ZUP1: variants seen among roughly 807,000 people sequenced by gnomAD.
ZUP1 encodes the protein zinc finger-containing ubiquitin peptidase 1.
In ZUP1, 55 loss-of-function variants were observed where a neutral mutation model predicts 68.1. That is an observed-to-expected ratio of 0.81 (90% confidence interval 0.65 to 1.01). The LOEUF (loss-of-function observed/expected upper bound fraction) is 1.01. ZUP1 is among the 50% of genes least tolerant of loss of function. The probability of loss-of-function intolerance (pLI) is 0.00; values close to 1 mark genes in which losing one functional copy is unlikely to be tolerated. For missense variants in ZUP1, 684 were observed against 674.9 expected (o/e 1.01, Z -0.15); for synonymous variants, 223 against 221.5 (o/e 1.01, Z -0.06).
rs1321958701 is a variant in ZUP1, at chr6:116,668,569, C to G, written c.-19G>C. ...GGAGGGGACCATCAATTCTTACCGG[C>G]CCAGAGGCCAGCAGCTGCCACACTG... On this transcript the variant is annotated 5_prime_UTR_variant, in exon 1 of 10. Transcript: ENST00000368576. The G allele has an allele frequency of 6.6e-6, 1 of 152,580 alleles. No individual in the cohort carries two copies. The highest frequency in any genetic ancestry group is 1.5e-5 in the Non-Finnish European group (1 of 68,360). The allele number at this position is 152,580 out of a possible 1,614,324, so 9.5% of individuals were successfully genotyped here. A position where few individuals can be genotyped will look rare whatever the true frequency, so the allele number is the denominator to read the frequency against.
intron 9 of ZUP1, among the ~76,000 whole-genome samples, chr6:116,640,468 C>G (rs1313285161): frequency 6.6e-6 from 1 of 151,996 alleles, no homozygotes; most frequent in South Asian, 2.1e-4. Flanking sequence ...AAGGGAAGCC[C>G]ATCAGACTAA....
chr6:116,655,667 T>C (rs893977538), intron 5 of ZUP1, among the ~76,000 whole-genome samples: 6 of 152,182 alleles, frequency 3.9e-5, no homozygotes, highest in African/African-American at 1.4e-4. Context: ...AAAGCCATAT[T>C]ATGGGGCAAG....
At chr6:116,648,075 C>A (rs982763318) in intron 7 of ZUP1, among the ~76,000 whole-genome samples, 1 of 152,088 alleles carries the variant, frequency 6.6e-6, no homozygotes, top group Non-Finnish European at 1.5e-5. Context: ...TAAAATAGAT[C>A]CTAAATACTT....
At chr6:116,662,487 T>A (rs1280570835) in intron 2 of ZUP1, among the ~76,000 whole-genome samples, 1 of 152,192 alleles carries the variant, frequency 6.6e-6, no homozygotes, top group Non-Finnish European at 1.5e-5. Flanking sequence ...GTTGTGTCAA[T>A]GAATCCAATC....
chr6:116,652,739 G>C (rs979324572), intron 5 of ZUP1, among the ~76,000 whole-genome samples: 1 of 151,936 alleles, frequency 6.6e-6, no homozygotes, highest in African/African-American at 2.4e-5. Context: ...TTGCTATTTG[G>C]GGAGATTAAT....
chr6:116,639,117 C>T (rs932176197), intron 9 of ZUP1, among the ~76,000 whole-genome samples: 27 of 152,318 alleles, frequency 1.8e-4, no homozygotes, highest in Non-Finnish European at 1.5e-4. Context: ...AACTGCAAGG[C>T]GGCAGCAAGG....
At position 116,660,865 on chromosome 6, in the gene ZUP1, T is replaced by G. The variant is rs1478327003; in HGVS notation, c.560-19A>C. On this transcript the variant is annotated intron_variant, in intron 2 of 9. Coordinates refer to ENST00000368576, the MANE Select transcript of ZUP1 (RefSeq NM_145062.3). Reference sequence around the variant, plus strand: ...TCACAGTCTGTATCAGAGATATAATTAAGTTGTTTTTATTTTTTTATTTTA... The same window carrying G: ...TCACAGTCTGTATCAGAGATATAATGAAGTTGTTTTTATTTTTTTATTTTA... 7.5e-7 allele frequency: 1 copy of G among 1,332,370 alleles called. No homozygotes were observed. The highest frequency in any genetic ancestry group is 1.0e-6 in the Non-Finnish European group (1 of 962,938). The allele number at this position is 1,332,370 out of a possible 1,614,324, so 82.5% of individuals were successfully genotyped here. A position where few individuals can be genotyped will look rare whatever the true frequency, so the allele number is the denominator to read the frequency against.
chr6:116,645,701 T>G lies in ZUP1; in HGVS notation c.1689+13A>C, dbSNP rs943658290. 2.0e-5 allele frequency: 31 copies of G among 1,563,958 alleles called. No individual in the cohort carries two copies. The highest frequency in any genetic ancestry group is 2.4e-5 in the Non-Finnish European group (28 of 1,148,660). On this transcript the variant is annotated intron_variant, in intron 9 of 9. Transcript: ENST00000368576. ...CTCATTCAAACTTCACATATAAATA[T>G]TTAGATACTTACAAGTTTCTCCTCT...
At chr6:116,652,589 T>C (rs1049086146) in intron 5 of ZUP1, among the ~76,000 whole-genome samples, 1 of 152,120 alleles carries the variant, frequency 6.6e-6, no homozygotes, top group African/African-American at 2.4e-5. Flanking sequence ...TAATTTAAGA[T>C]TTTATTTTGC....
chr6:116,660,643 A>G, intron 3 of ZUP1, 93 bp downstream of exon 3: 1 of 645,082 alleles, frequency 1.6e-6, no homozygotes. Flanking sequence ...GTATTTTAAA[A>G]TATTTTTTCC....
chr6:116,665,923 A>G (rs954255082), intron 2 of ZUP1, among the ~76,000 whole-genome samples: 1 of 152,026 alleles, frequency 6.6e-6, no homozygotes, highest in African/African-American at 2.4e-5. Context: ...AATAAGAAAA[A>G]GACATAAGAT....
In ZUP1 at chr6:116,640,057, C is replaced by A. The variant is rs564867481; in HGVS notation, c.1690-4178G>T. ...GTGAAGAATGCAGAAGCCTCAGGAG[C>A]CAATGTGATCAGCTGGAAGAAAGGG... On this transcript the variant is annotated intron_variant, in intron 9 of 9. Transcript: ENST00000368576. 3.3e-3 allele frequency among the ~76,000 whole-genome samples: 506 copies of A among 152,112 alleles called. 2 individuals are homozygous for A. Among genetic ancestry groups the A allele is most frequent in the African/African-American group, 0.012 (485 of 41,476 alleles).
intron 5 of ZUP1, among the ~76,000 whole-genome samples, chr6:116,655,128 G>A (rs1776624717): frequency 6.6e-6 from 1 of 151,476 alleles, no homozygotes; most frequent in Non-Finnish European, 1.5e-5. Flanking sequence ...AGTTCTGGAT[G>A]TAATACTAGA....
chr6:116,660,704 T>C, intron 3 of ZUP1, 32 bp downstream of exon 3: 1 of 1,242,574 alleles, frequency 8.0e-7, no homozygotes, highest in Non-Finnish European at 1.2e-6. Flanking sequence ...AGAAATTAAA[T>C]GATATTTTTA....
At chr6:116,644,917 G>C (rs555569357) in intron 9 of ZUP1, among the ~76,000 whole-genome samples, 25 of 151,946 alleles carry the variant, frequency 1.6e-4, no homozygotes, top group African/African-American at 5.8e-4. Context: ...GAAAAAATCA[G>C]CTCATGAATG....
In ZUP1 at chr6:116,652,920, T is replaced by C. The variant is rs74588275; in HGVS notation, c.962-728A>G. ...TTATTTCACACTACTCTTCTTGCTGTAATTTTGGCTGTGGCCTAACTGAAC... is the reference window on the plus strand; with the variant it reads ...TTATTTCACACTACTCTTCTTGCTGCAATTTTGGCTGTGGCCTAACTGAAC... On this transcript the variant is annotated intron_variant, in intron 5 of 9. Transcript: ENST00000368576. Among the ~76,000 whole-genome samples the C allele has an allele frequency of 7.2e-3, 1,103 of 152,226 alleles. 17 individuals carry two copies. Among genetic ancestry groups the C allele is most frequent in the African/African-American group, 0.024 (977 of 41,556 alleles).
intron 5 of ZUP1, among the ~76,000 whole-genome samples, chr6:116,656,303 C>T (rs1583374148): frequency 2.0e-5 from 3 of 152,028 alleles, no homozygotes; most frequent in South Asian, 4.1e-4. Flanking sequence ...AGGCTAGTCT[C>T]GAACTCCCGA....
chr6:116,662,061 T>C (rs1776858961), intron 2 of ZUP1, among the ~76,000 whole-genome samples: 1 of 152,150 alleles, frequency 6.6e-6, no homozygotes, highest in Non-Finnish European at 1.5e-5. Flanking sequence ...AATGAAAATA[T>C]TAAGATGTAA....
chr6:116,644,517 T>G (rs1184217652), intron 9 of ZUP1, among the ~76,000 whole-genome samples: 3 of 152,006 alleles, frequency 2.0e-5, no homozygotes, highest in Admixed American at 2.0e-4. Flanking sequence ...CCATAAAAAA[T>G]GATGAGTTCA....
Sources: gnomAD v4.1 joint callset for allele counts (sites outside exome capture counted in the v4.1 genomes callset) on GRCh38, gnomAD v4.1.1 for gene constraint, MANE v1.5 for transcripts, NCBI Gene and HGNC (gene_info 2026-07-23, HGNC 2026-07-21) for gene names.